PPL: variants seen among roughly 807,000 people sequenced by gnomAD.
PPL encodes the protein periplakin, also known as 190 kDa paraneoplastic pemphigus antigen.
Under a neutral mutation model 194.4 loss-of-function variants are expected in PPL, and 198 were observed. The ratio of observed to expected loss-of-function variants is 1.02; its 90% CI spans 0.91 to 1.15. The LOEUF (loss-of-function observed/expected upper bound fraction) is 1.15. Among genes scored for constraint, PPL ranks in the 50% most tolerant of loss-of-function variants. The pLI is 0.00. For missense variants in PPL, 2,885 were observed against 2,294.8 expected, an observed-to-expected ratio of 1.26 and a Z score of -5.25; for synonymous variants, 1,220 against 972.4, an observed-to-expected ratio of 1.25 and a Z score of -4.74.
intron 1 of PPL, among the ~76,000 whole-genome samples, chr16:4,928,174 G>A (rs892039949): frequency 7.2e-5 from 11 of 152,370 alleles, no homozygotes; most frequent in African/African-American, 2.6e-4. Flanking sequence ...ACAGAGTCTT[G>A]CTCTGTTATT....
chr16:4,913,469 C>T (rs762387261), intron 1 of PPL, among the ~76,000 whole-genome samples: 2 of 152,122 alleles, frequency 1.3e-5, no homozygotes, highest in Non-Finnish European at 2.9e-5. Context: ...TGCATAGAGC[C>T]GGGCACAGAA....
At chr16:4,930,975 G>A (rs1480719886) in intron 1 of PPL, among the ~76,000 whole-genome samples, 2 of 152,206 alleles carry the variant, frequency 1.3e-5, no homozygotes, top group Non-Finnish European at 2.9e-5. Flanking sequence ...GGGGAGAAGG[G>A]ACTGGAGCGC....
rs144972348 is a variant in PPL at position 4,885,936 on chromosome 16, G to A, written c.2719C>T (p.Arg907Trp). ...CTCTTGACCTCGTTCTCCAGCTGCC[G>A]CCTCCGCTCAGTCTCCTCATCCAGT... ...KELDEETERR[R>W]QLENEVKSTQ... The change falls in exon 22 of 22, where the codon CGG becomes TGG. Residue 907 changes from arginine to tryptophan, a missense_variant. Physicochemically the swap from Arg to Trp is moderately radical, Grantham distance 101 (BLOSUM62 -3). Coordinates refer to ENST00000345988, the MANE Select transcript of PPL (RefSeq NM_002705.5). The surrounding 1 kb of genome is among the most constrained non-coding windows in gnomAD (Gnocchi z 6.3). 71 of 1,612,968 alleles carry A rather than the reference G, an allele frequency of 4.4e-5. No individual in the cohort carries two copies. Among genetic ancestry groups the A allele is most frequent in the Middle Eastern group, 1.6e-4 (1 of 6,062 alleles).
At chr16:4,886,256 C>T (rs1031508038) in intron 21 of PPL, among the ~76,000 whole-genome samples, 2 of 152,110 alleles carry the variant, frequency 1.3e-5, no homozygotes, top group Non-Finnish European at 2.9e-5. Context: ...CATTTTTGAG[C>T]TGTGGAAGAG....
chr16:4,935,695 CG>C (rs2089288511), intron 1 of PPL, among the ~76,000 whole-genome samples: 1 of 152,186 alleles, frequency 6.6e-6, no homozygotes, highest in Non-Finnish European at 1.5e-5. Flanking sequence ...TGGAAGGCCC[CG>C]GAATGGAGTG....
At chr16:4,907,556 G>A (rs747160606) in intron 2 of PPL, among the ~76,000 whole-genome samples, 1 of 152,164 alleles carries the variant, frequency 6.6e-6, no homozygotes, top group East Asian at 1.9e-4. Flanking sequence ...AGGGGGAAAG[G>A]GGAGGTGGGG....
In PPL at chr16:4,884,007, G is replaced by A. The variant is rs201020303; in HGVS notation, c.4648C>T (p.His1550Tyr). Residue 1550 changes from histidine (H) to tyrosine (Y), a missense_variant, in exon 22 of 22, where the codon CAT (histidine) becomes TAT (tyrosine). Transcript: ENST00000345988. This position sits in a 1 kb window ranked among gnomAD's most constrained non-coding sequence, Gnocchi z 5.7. Reference protein sequence around the residue: ...LEARLSELEFHNSKSSKELDF... With the variant: ...LEARLSELEFYNSKSSKELDF... ...AGTTCCTTGGATGACTTGGAGTTAT[G>A]GAATTCCAGCTCCGAAAGCCTGGCT... 2.5e-6 allele frequency: 4 copies of A among 1,613,960 alleles called. No homozygotes were observed. The highest frequency in any genetic ancestry group is 1.3e-5 in the African/African-American group (1 of 75,046).
chr16:4,932,709 C>T (rs959614447), intron 1 of PPL, among the ~76,000 whole-genome samples: 7 of 152,160 alleles, frequency 4.6e-5, no homozygotes, highest in Non-Finnish European at 5.9e-5. Context: ...TGAGCTACCG[C>T]GCCCAGCCCG....
rs2088166018 is a variant in PPL at position 4,884,258 on chromosome 16, A to G, written c.4397T>C (p.Leu1466Pro). Reference protein sequence around the residue: ...AREHALLRLQLEEEQHRRQLL... With the variant: ...AREHALLRLQPEEEQHRRQLL... ...CTGCCGCCGGTGCTGCTCTTCTTCC[A>G]GCTGGAGTCGGAGCAGGGCATGCTC... Residue 1466 changes from leucine (L) to proline (P), a missense_variant, in exon 22 of 22, where the codon CTG becomes CCG. Leu to Pro is a moderately conservative substitution (Grantham distance 98). Transcript: ENST00000345988. The surrounding 1 kb of genome is among the most constrained non-coding windows in gnomAD (Gnocchi z 5.7). The G allele has an allele frequency of 1.2e-6, 2 of 1,613,016 alleles. No homozygotes were observed. The highest frequency in any genetic ancestry group is 1.7e-6 in the Non-Finnish European group (2 of 1,179,734).
Position 4,912,388 on chromosome 16 carries a change from T to A in PPL, c.63-1439A>T, listed in dbSNP as rs536296474. On this transcript the variant is annotated intron_variant, in intron 1 of 21. Transcript: ENST00000345988. ...TGCAGCATCTATTAGAACTTCATTCTTTTTATGGCTGAATAATATTCCATC... is the reference window on the plus strand; with the variant it reads ...TGCAGCATCTATTAGAACTTCATTCATTTTATGGCTGAATAATATTCCATC... Among the ~76,000 whole-genome samples, 5 of 152,414 alleles carry A rather than the reference T, an allele frequency of 3.3e-5. No individual in the cohort carries two copies. The South Asian group carries it at 8.3e-4, about 25-fold the overall frequency.
chr16:4,924,657 G>A (rs571030378), intron 1 of PPL, among the ~76,000 whole-genome samples: 9 of 152,186 alleles, frequency 5.9e-5, no homozygotes, highest in Non-Finnish European at 1.2e-4. Context: ...AACAACCTGG[G>A]GCTCCCCACT....
intron 6 of PPL, 67 bp from the exon 7 acceptor site, chr16:4,899,451 A>C: frequency 2.9e-6 from 3 of 1,052,240 alleles, no homozygotes; most frequent in East Asian, 6.2e-5. Context: ...TTCCTTCCCT[A>C]CCTCCTGCAG....
rs2088383118 is a variant in PPL, at chr16:4,894,555, T to C, written c.1306A>G (p.Met436Val). 1 of 1,613,970 alleles carries C rather than the reference T, an allele frequency of 6.2e-7. No homozygotes were observed. The change falls in exon 12 of 22, where the codon ATG becomes GTG. Residue 436 changes from methionine (M) to valine (V), a missense_variant. Met to Val is a conservative substitution (Grantham distance 21). Coordinates refer to ENST00000345988, the MANE Select transcript of PPL (RefSeq NM_002705.5). ...QKNNGESWEL[M>V]DSAGNKLIAP... The stretch of plus-strand genomic sequence containing the variant: ...ATCAGCTTGTTCCCAGCGCTGTCCA[T>C]GAGCTCCCAGCTCTCCCCGTTGTTC...
chr16:4,898,961 G>T, intron 8 of PPL, 52 bp downstream of exon 8: 2 of 1,518,582 alleles, frequency 1.3e-6, no homozygotes, highest in Non-Finnish European at 1.8e-6. Context: ...CACAGGCAGC[G>T]GCCAACCAGA....
intron 1 of PPL, among the ~76,000 whole-genome samples, chr16:4,916,206 A>G (rs547184524): frequency 6.6e-6 from 1 of 151,952 alleles, no homozygotes; most frequent in Non-Finnish European, 1.5e-5. Context: ...TATTTTTTTT[A>G]TTTTTATTAC....
In PPL at chr16:4,883,245, C is replaced by A; in HGVS notation, c.*139G>T. ...GTGCCTGTCTCATATGTGGGCGGGA[C>A]TCTGAGCAGCCTGGCAGCGAGGGTA... On this transcript the variant is annotated 3_prime_UTR_variant, in exon 22 of 22. Coordinates refer to ENST00000345988, the MANE Select transcript of PPL (RefSeq NM_002705.5). The surrounding 1 kb of genome is among the most constrained non-coding windows in gnomAD (Gnocchi z 4.8). 8.2e-7 allele frequency: 1 copy of A among 1,212,200 alleles called. No individual in the cohort carries two copies. The highest frequency in any genetic ancestry group is 1.4e-5 in the South Asian group (1 of 71,726). The allele number at this position is 1,212,200 out of a possible 1,614,324, so 75.1% of individuals were successfully genotyped here.
chr16:4,896,592 C>T (rs1428456244), intron 9 of PPL, among the ~76,000 whole-genome samples: 1 of 150,348 alleles, frequency 6.7e-6, no homozygotes, highest in Non-Finnish European at 1.5e-5. Context: ...TGACCTGGGG[C>T]TGGGGGAGTG....
At position 4,884,064 on chromosome 16, in the gene PPL, G is replaced by C. The variant is rs547974158; in HGVS notation, c.4591C>G (p.Arg1531Gly). ...CGGCTCACCTCGACGTCCAGCTCGC[G>C]CTTGCTGCGGCTCTCCTCCTCCAGG... The part of the protein sequence containing the change: ...SSLEEESRSK[R>G]ELDVEVSRLE... The change falls in exon 22 of 22, where the codon CGC becomes GGC. Residue 1531 changes from arginine (R) to glycine (G), a missense_variant. Physicochemically the swap from Arg to Gly is moderately radical, Grantham distance 125. Coordinates refer to ENST00000345988, the MANE Select transcript of PPL (RefSeq NM_002705.5). This position sits in a 1 kb window ranked among gnomAD's most constrained non-coding sequence, Gnocchi z 5.7. 6.2e-7 allele frequency: 1 copy of C among 1,613,082 alleles called. No homozygotes were observed. Among genetic ancestry groups the C allele is most frequent in the South Asian group, 1.1e-5 (1 of 91,082 alleles).
At chr16:4,899,591 ATTC>A (rs2088512375) in intron 6 of PPL, among the ~76,000 whole-genome samples, 1 of 151,124 alleles carries the variant, frequency 6.6e-6, no homozygotes, top group African/African-American at 2.4e-5. Flanking sequence ...TCATTCATTC[ATTC>A]ATTCATTCAG....
Sources: gnomAD v4.1 joint callset for allele counts (sites outside exome capture counted in the v4.1 genomes callset) on GRCh38, gnomAD v4.1.1 for gene constraint, Gnocchi (gnomAD v3.1) non-coding constraint, MANE v1.5 for transcripts, NCBI Gene and HGNC (gene_info 2026-07-23, HGNC 2026-07-21) for gene names.